Variants in EDIL3 observed in about 807,000 individuals in gnomAD.
EDIL3 encodes EGF-like repeat and discoidin I-like domain-containing protein 3.
EDIL3 carries 37 observed loss-of-function variants against 67.4 expected under a neutral mutation model. That is an observed-to-expected ratio of 0.55 (90% CI 0.42 to 0.72). The LOEUF (loss-of-function observed/expected upper bound fraction) is 0.72. EDIL3 is among the 30% of genes least tolerant of loss of function. The probability of loss-of-function intolerance (pLI) is 0.00; values close to 1 mark genes in which losing one functional copy is unlikely to be tolerated. For missense variants in EDIL3, 527 were observed against 586.3 expected, an observed-to-expected ratio of 0.90 and a Z score of 1.04; for synonymous variants, 195 against 196.3, an observed-to-expected ratio of 0.99 and a Z score of 0.05.
chr5:84,335,836 G>A (rs1471100211), intron 1 of EDIL3, among the ~76,000 whole-genome samples: 4 of 152,078 alleles, frequency 2.6e-5, no homozygotes, highest in Admixed American at 2.0e-4. Flanking sequence ...TTTTGTCACA[G>A]TTCTGGGGGC....
chr5:84,105,129 T>A (rs1307083954), intron 6 of EDIL3, among the ~76,000 whole-genome samples: 2 of 152,100 alleles, frequency 1.3e-5, no homozygotes, highest in Non-Finnish European at 2.9e-5. Context: ...AAATATGATA[T>A]AATTATTTTC....
chr5:83,953,317 A>G (rs1744452043), intron 10 of EDIL3, among the ~76,000 whole-genome samples: 1 of 151,788 alleles, frequency 6.6e-6, no homozygotes, highest in Non-Finnish European at 1.5e-5. Flanking sequence ...GCTAGACCTA[A>G]GCTGAGCAGT....
At chr5:84,108,252 G>C (rs1747498373) in intron 5 of EDIL3, among the ~76,000 whole-genome samples, 1 of 151,882 alleles carries the variant, frequency 6.6e-6, no homozygotes, top group African/African-American at 2.4e-5. Context: ...ATGGTAAGTA[G>C]CTCTGATGGC....
chr5:84,161,289 A>C (rs1748609898), intron 4 of EDIL3, among the ~76,000 whole-genome samples: 1 of 152,116 alleles, frequency 6.6e-6, no homozygotes, highest in Non-Finnish European at 1.5e-5. Flanking sequence ...AAGAAGGAAA[A>C]AAATATATTC....
chr5:84,304,161 T>G (rs1746219573), intron 1 of EDIL3, among the ~76,000 whole-genome samples: 1 of 152,182 alleles, frequency 6.6e-6, no homozygotes, highest in Non-Finnish European at 1.5e-5. Flanking sequence ...TAGTAAATAA[T>G]ATAGCTCATC....
At chr5:84,253,943 C>T in intron 2 of EDIL3, 141 bp downstream of exon 2, 2 of 735,346 alleles carry the variant, frequency 2.7e-6, no homozygotes, top group Non-Finnish European at 3.9e-6. Flanking sequence ...AATGATACAA[C>T]TGAGAATCCT....
rs567862157 is a variant in EDIL3 at position 84,173,509 on chromosome 5, G to A, written c.355+6884C>T. 1.4e-4 allele frequency among the ~76,000 whole-genome samples: 21 copies of A among 152,136 alleles called. 1 individual carries two copies. The South Asian group carries it at 2.5e-3, about 18-fold the overall frequency. On this transcript the variant is annotated intron_variant, in intron 4 of 10. Transcript: ENST00000296591. Reference sequence around the variant, plus strand: ...CTCCCGCCCCCTGGAAGACAGCAGCGCACCACAATATGGGACGACCCCACT... The same window carrying A: ...CTCCCGCCCCCTGGAAGACAGCAGCACACCACAATATGGGACGACCCCACT...
At chr5:84,090,247 G>A (rs1051587767) in intron 6 of EDIL3, among the ~76,000 whole-genome samples, 2 of 152,158 alleles carry the variant, frequency 1.3e-5, no homozygotes, top group Admixed American at 6.5e-5. Context: ...AGCATAGATT[G>A]TTATGTTTTG....
At chr5:84,092,719 T>C (rs1042401705) in intron 6 of EDIL3, among the ~76,000 whole-genome samples, 2 of 152,130 alleles carry the variant, frequency 1.3e-5, no homozygotes, top group East Asian at 1.9e-4. Flanking sequence ...TCTAAACTCA[T>C]GGTGTGATTA....
At chr5:84,080,041 G>T (rs981056689) in intron 6 of EDIL3, among the ~76,000 whole-genome samples, 1 of 147,956 alleles carries the variant, frequency 6.8e-6, no homozygotes, top group Non-Finnish European at 1.5e-5. Flanking sequence ...GGAGGCCGAG[G>T]CGGGCGGATC....
At chr5:84,370,375 T>C (rs1377249416) in intron 1 of EDIL3, among the ~76,000 whole-genome samples, 2 of 152,190 alleles carry the variant, frequency 1.3e-5, no homozygotes, top group African/African-American at 4.8e-5. Flanking sequence ...CTTCTGCTTT[T>C]AGCAGGTGTG....
chr5:84,294,578 G>T (rs182514709), intron 1 of EDIL3, among the ~76,000 whole-genome samples: 89 of 151,874 alleles, frequency 5.9e-4, no homozygotes, highest in African/African-American at 2.1e-3. Context: ...ATACATACAT[G>T]TTTATCACAC....
At chr5:84,192,342 T>C (rs758430309) in intron 3 of EDIL3, among the ~76,000 whole-genome samples, 14 of 152,014 alleles carry the variant, frequency 9.2e-5, no homozygotes, top group Non-Finnish European at 1.8e-4. Flanking sequence ...ACTAATCTTA[T>C]GTCTTCAGTG....
intron 6 of EDIL3, among the ~76,000 whole-genome samples, chr5:84,086,736 G>A (rs1187373039): frequency 6.6e-6 from 1 of 152,170 alleles, no homozygotes; most frequent in African/African-American, 2.4e-5. Flanking sequence ...AGACAGTTCA[G>A]TTGTGAGTGA....
intron 1 of EDIL3, among the ~76,000 whole-genome samples, chr5:84,303,917 G>A (rs1308303662): frequency 6.7e-6 from 1 of 148,770 alleles, no homozygotes; most frequent in East Asian, 2.0e-4. Context: ...GGTTAAAGTG[G>A]ATCATGCTAT....
At chr5:84,060,252 C>G in intron 9 of EDIL3, 48 bp downstream of exon 9, 1 of 1,592,092 alleles carries the variant, frequency 6.3e-7, no homozygotes, top group Non-Finnish European at 8.6e-7. Flanking sequence ...AGGAAATCTT[C>G]TAAGAAAGAG....
intron 6 of EDIL3, among the ~76,000 whole-genome samples, chr5:84,073,305 C>T (rs1427688710): frequency 6.6e-6 from 1 of 152,172 alleles, no homozygotes; most frequent in Non-Finnish European, 1.5e-5. Flanking sequence ...GATGCCCTCT[C>T]TCACCACTCC....
intron 4 of EDIL3, among the ~76,000 whole-genome samples, chr5:84,155,894 C>T (rs1748481725): frequency 6.6e-6 from 1 of 152,148 alleles, no homozygotes; most frequent in Non-Finnish European, 1.5e-5. Flanking sequence ...CTTCAAATGT[C>T]TGGTGAACCT....
chr5:84,242,792 T>A (rs1188634616), intron 2 of EDIL3, among the ~76,000 whole-genome samples: 1 of 13,924 alleles, frequency 7.2e-5, no homozygotes, highest in African/African-American at 3.9e-4. Context: ...AGACCCTATC[T>A]TAAAAAAAAA....
Sources: gnomAD v4.1 joint callset for allele counts (sites outside exome capture counted in the v4.1 genomes callset) on GRCh38, gnomAD v4.1.1 for gene constraint, MANE v1.5 for transcripts, NCBI Gene and HGNC (gene_info 2026-07-23, HGNC 2026-07-21) for gene names.